RANBP2: variants seen among roughly 807,000 people sequenced by gnomAD.
RANBP2 encodes the protein E3 SUMO-protein ligase RanBP2.
Under a neutral mutation model 303.6 loss-of-function variants are expected in RANBP2, and 57 were observed. The ratio of observed to expected loss-of-function variants is 0.19; its 90% CI spans 0.15 to 0.23. The LOEUF (loss-of-function observed/expected upper bound fraction) is 0.23, where lower values mean the gene tolerates loss of function less well. Among genes scored for constraint, RANBP2 ranks in the 10% least tolerant of loss-of-function variants. RANBP2 has a pLI of 1.00. For synonymous variants in RANBP2, 1,167 were observed against 1,301.5 expected, an observed-to-expected ratio of 0.90 and a Z score of 2.23; for missense variants, 3,138 against 3,780.8, an observed-to-expected ratio of 0.83 and a Z score of 4.46.
At chr2:108,911,488 C>T in the RANBP2 span, among the ~76,000 whole-genome samples, 1 of 152,178 alleles carries the variant, frequency 6.6e-6, no homozygotes, top group Non-Finnish European at 1.5e-5. Context: ...GCTCTGGATT[C>T]CAGGTTTGGC....
the RANBP2 span, among the ~76,000 whole-genome samples, chr2:108,953,695 A>G: frequency 6.6e-6 from 1 of 152,050 alleles, no homozygotes; most frequent in Non-Finnish European, 1.5e-5. Flanking sequence ...GAGACACTGG[A>G]GGTAGCTATG....
chr2:109,356,175 A>G, the RANBP2 span, among the ~76,000 whole-genome samples: 1 of 152,142 alleles, frequency 6.6e-6, no homozygotes, highest in Non-Finnish European at 1.5e-5. Flanking sequence ...TTTTAGGTAC[A>G]GGGAGTGGCT....
At chr2:109,522,886 GAA>G in the RANBP2 span, among the ~76,000 whole-genome samples, 6 of 152,350 alleles carry the variant, frequency 3.9e-5, no homozygotes, top group East Asian at 1.2e-3. Context: ...CCAGGAGAGA[GAA>G]GAGTGCTTCA....
At chr2:109,778,228 A>G in the RANBP2 span, among the ~76,000 whole-genome samples, 1 of 137,378 alleles carries the variant, frequency 7.3e-6, no homozygotes, top group Non-Finnish European at 1.6e-5. Flanking sequence ...GTAAGGCCCT[A>G]GGGTTGAGCT....
chr2:108,821,407 C>A, the RANBP2 span, among the ~76,000 whole-genome samples: 6 of 152,022 alleles, frequency 3.9e-5, no homozygotes, highest in Non-Finnish European at 8.8e-5. Context: ...GAATGTGGAG[C>A]CATAATGATG....
At chr2:109,345,919 C>T in the RANBP2 span, among the ~76,000 whole-genome samples, 1 of 152,188 alleles carries the variant, frequency 6.6e-6, no homozygotes, top group African/African-American at 2.4e-5. Flanking sequence ...TAGCACCCCA[C>T]CTTCCGGTTG....
Position 108,764,886 on chromosome 2 carries a change from T to G in RANBP2, c.4347T>G (p.Ser1449=). ...QNTKSANKSG[S]SFVHQASFKF... ...CAAAATCTGCTAACAAAAGTGGATC[T>G]TCATTTGTTCATCAAGCTTCATTTA... Residue 1449 remains serine, a synonymous_variant, in exon 20 of 29, where the codon TCT becomes TCG. Coordinates refer to ENST00000283195, the MANE Select transcript of RANBP2 (RefSeq NM_006267.5). 1 of 1,614,030 alleles carries G rather than the reference T, an allele frequency of 6.2e-7. No homozygotes were observed. The highest frequency in any genetic ancestry group is 1.1e-5 in the South Asian group (1 of 91,076).
At chr2:109,303,241 C>A in the RANBP2 span, among the ~76,000 whole-genome samples, 1 of 152,226 alleles carries the variant, frequency 6.6e-6, no homozygotes, top group African/African-American at 2.4e-5. Flanking sequence ...TTGGCCCCAA[C>A]AGGATCTGAG....
At chr2:108,749,673 C>A (rs1469972245) in intron 9 of RANBP2, among the ~76,000 whole-genome samples, 1 of 152,162 alleles carries the variant, frequency 6.6e-6, no homozygotes, top group African/African-American at 2.4e-5. Context: ...GTCACTGATA[C>A]CTTGAACTTC....
At chr2:109,643,958 T>G in the RANBP2 span, among the ~76,000 whole-genome samples, 4 of 149,632 alleles carry the variant, frequency 2.7e-5, no homozygotes, top group Non-Finnish European at 5.9e-5. Flanking sequence ...CCATCTCTAC[T>G]AAAAATACAA....
At chr2:109,444,200 TG>T in the RANBP2 span, among the ~76,000 whole-genome samples, 1 of 152,244 alleles carries the variant, frequency 6.6e-6, no homozygotes, top group Admixed American at 6.5e-5. Flanking sequence ...CATTTTGAGC[TG>T]AATGAAATGA....
At chr2:109,102,377 G>A in the RANBP2 span, among the ~76,000 whole-genome samples, 40 of 151,494 alleles carry the variant, frequency 2.6e-4, no homozygotes, top group African/African-American at 8.0e-4. Flanking sequence ...TGGGATTACA[G>A]GTGTGAGCCA....
the RANBP2 span, among the ~76,000 whole-genome samples, chr2:109,309,151 G>GT: frequency 7.4e-6 from 1 of 135,602 alleles, no homozygotes; most frequent in Non-Finnish European, 1.5e-5. Flanking sequence ...TCCCTTGTAA[G>GT]TTGGATTCCT....
At chr2:109,508,410 C>T in the RANBP2 span, among the ~76,000 whole-genome samples, 8 of 152,298 alleles carry the variant, frequency 5.3e-5, no homozygotes, top group Non-Finnish European at 8.8e-5. Flanking sequence ...TGCAGACGCA[C>T]ACTCCCCAGG....
At chr2:109,330,493 G>C in the RANBP2 span, among the ~76,000 whole-genome samples, 1 of 152,140 alleles carries the variant, frequency 6.6e-6, no homozygotes, top group Non-Finnish European at 1.5e-5. Flanking sequence ...TTGTAAGAAT[G>C]GGGGGCAGGG....
At chr2:108,770,706 G>T (rs142488352) in intron 20 of RANBP2, among the ~76,000 whole-genome samples, 8,303 of 152,166 alleles carry the variant, frequency 0.055, 273 homozygotes, top group South Asian at 0.15. Flanking sequence ...ACAGATGAAA[G>T]TAACTTTATT....
chr2:108,752,142 G>A (rs1226684119), intron 12 of RANBP2, 148 bp downstream of exon 12: 1 of 1,474,604 alleles, frequency 6.8e-7, no homozygotes, highest in East Asian at 2.4e-5. Context: ...AATAGTTAAT[G>A]TAGTTAAATA....
At chr2:108,793,667 G>A in the RANBP2 span, among the ~76,000 whole-genome samples, 1 of 151,782 alleles carries the variant, frequency 6.6e-6, no homozygotes, top group South Asian at 2.1e-4. Context: ...CGCGATCTGG[G>A]CTCACTGTAA....
chr2:109,289,064 T>G, the RANBP2 span, among the ~76,000 whole-genome samples: 8 of 152,350 alleles, frequency 5.3e-5, no homozygotes, highest in South Asian at 1.7e-3. Context: ...CTGGAATAGG[T>G]GCTAAATTAT....
Sources: gnomAD v4.1 joint callset for allele counts (sites outside exome capture counted in the v4.1 genomes callset) on GRCh38, gnomAD v4.1.1 for gene constraint, MANE v1.5 for transcripts, NCBI Gene and HGNC (gene_info 2026-07-23, HGNC 2026-07-21) for gene names.